Variants in GARNL3 observed in about 807,000 individuals in gnomAD.
The protein encoded by GARNL3 is GTPase activating Rap/RanGAP domain like 3.
A neutral mutation model predicts 125.0 loss-of-function variants in GARNL3; 63 were observed. That is an observed-to-expected ratio of 0.50 (90% CI 0.41 to 0.62). The LOEUF is 0.62. GARNL3 is among the 20% of genes least tolerant of loss of function. GARNL3 has a pLI of 0.00. For synonymous variants in GARNL3, 439 were observed against 457.5 expected (o/e 0.96, Z 0.52); for missense variants, 994 against 1,244.0 (o/e 0.80, Z 3.02).
chr9:127,319,005 C>T (rs1277976940), intron 5 of GARNL3, among the ~76,000 whole-genome samples: 14 of 152,170 alleles, frequency 9.2e-5, no homozygotes, highest in Admixed American at 2.0e-4. Flanking sequence ...AATGCCCTAT[C>T]GTATGAAGGG....
chr9:127,259,982 A>C (rs114319118), upstream of GARNL3, among the ~76,000 whole-genome samples: 3 of 152,190 alleles, frequency 2.0e-5, no homozygotes, highest in East Asian at 5.8e-4. Flanking sequence ...GCAGTGAGCT[A>C]TGATTACACC....
At position 127,243,347 on chromosome 9, in the gene GARNL3, G is replaced by A. The variant is rs2063237210; in HGVS notation, c.143+98G>A. The A allele has an allele frequency of 1.8e-5, 17 of 955,226 alleles. No homozygotes were observed. The South Asian group carries it at 2.4e-4, about 14-fold the overall frequency. 59.2% of individuals were successfully genotyped at this position (955,226 alleles called of 1,614,324 possible). On this transcript the variant is annotated intron_variant, in intron 2 of 10. Transcript: ENST00000439286. Reference sequence around the variant, plus strand: ...GGAAGAATATACTTTTTACTTCTGGGGGGATAGTGGGGAGGGAGAGAGGAG... The same window carrying A: ...GGAAGAATATACTTTTTACTTCTGGAGGGATAGTGGGGAGGGAGAGAGGAG...
intron 16 of GARNL3, among the ~76,000 whole-genome samples, chr9:127,346,898 A>C (rs533854232): frequency 1.3e-5 from 2 of 152,322 alleles, no homozygotes; most frequent in East Asian, 1.9e-4. Context: ...GCACTTAGAC[A>C]TGAAAGCCTG....
At chr9:127,305,001 T>A (rs775713609) in intron 2 of GARNL3, among the ~76,000 whole-genome samples, 5 of 152,178 alleles carry the variant, frequency 3.3e-5, no homozygotes, top group Non-Finnish European at 5.9e-5. Flanking sequence ...GCAGACCGAA[T>A]GACAAAGGAT....
At chr9:127,254,645 T>C (rs2063464620) in intron 2 of GARNL3, among the ~76,000 whole-genome samples, 1 of 152,028 alleles carries the variant, frequency 6.6e-6, no homozygotes, top group South Asian at 2.1e-4. Flanking sequence ...GGCACGTGCC[T>C]GTAATCCCAG....
At chr9:127,229,982 A>C (rs1370377070) in intron 1 of GARNL3, among the ~76,000 whole-genome samples, 2 of 152,260 alleles carry the variant, frequency 1.3e-5, no homozygotes, top group African/African-American at 4.8e-5. Flanking sequence ...GTAAAGGCGA[A>C]GGGAATAGCC....
At chr9:127,361,561 C>A (rs1409735203) in intron 21 of GARNL3, among the ~76,000 whole-genome samples, 1 of 152,212 alleles carries the variant, frequency 6.6e-6, no homozygotes, top group Non-Finnish European at 1.5e-5. Flanking sequence ...TAAAATAGAT[C>A]TCATTGTGCT....
chr9:127,273,105 T>C, intron 1 of GARNL3, among the ~76,000 whole-genome samples: 1 of 152,132 alleles, frequency 6.6e-6, no homozygotes, highest in East Asian at 1.9e-4. Flanking sequence ...CCATATGAGG[T>C]AGGCATTATT....
At chr9:127,342,419 T>G (rs1829910239) in intron 14 of GARNL3, 85 bp downstream of exon 14, 1 of 907,236 alleles carries the variant, frequency 1.1e-6, no homozygotes, top group Admixed American at 1.9e-5. Flanking sequence ...GAGGCCCTGG[T>G]GAGAAAAGCG....
chr9:127,274,406 A>C (rs1272488085), intron 1 of GARNL3, among the ~76,000 whole-genome samples: 6 of 152,208 alleles, frequency 3.9e-5, no homozygotes, highest in Non-Finnish European at 7.3e-5. Flanking sequence ...AGACAAAATC[A>C]ACCTTGGGAA....
Position 127,384,163 on chromosome 9 carries a change from C to G in GARNL3, c.2269+618C>G, listed in dbSNP as rs1354520736. ...TTGAGAGGAAGGCAGAGGGACCAAC[C>G]TAAGATCCTGGGAGGACCAGTTAGA... On this transcript the variant is annotated intron_variant, in intron 23 of 27. Coordinates refer to ENST00000373387, the MANE Select transcript of GARNL3 (RefSeq NM_032293.5). The surrounding 1 kb of genome is among the most constrained non-coding windows in gnomAD (Gnocchi z 4.0). 2.0e-5 allele frequency among the ~76,000 whole-genome samples: 3 copies of G among 152,190 alleles called. No homozygotes were observed. The highest frequency in any genetic ancestry group is 7.2e-5 in the African/African-American group (3 of 41,440).
At position 127,384,608 on chromosome 9, in the gene GARNL3, C is replaced by T. The variant is rs1303097021; in HGVS notation, c.2270-419C>T. ...AGGAGCGAGGAGCACTGAGGGACACCAGGGCTGGGCCTTGAAGAGCGACCA... is the reference window on the plus strand; with the variant it reads ...AGGAGCGAGGAGCACTGAGGGACACTAGGGCTGGGCCTTGAAGAGCGACCA... On this transcript the variant is annotated intron_variant, in intron 23 of 27. Coordinates refer to ENST00000373387, the MANE Select transcript of GARNL3 (RefSeq NM_032293.5). This position sits in a 1 kb window ranked among gnomAD's most constrained non-coding sequence, Gnocchi z 4.0. Among the ~76,000 whole-genome samples the T allele has an allele frequency of 2.6e-5, 4 of 152,156 alleles. No individual in the cohort carries two copies. Among genetic ancestry groups the T allele is most frequent in the African/African-American group, 9.7e-5 (4 of 41,442 alleles).
intron 13 of GARNL3, among the ~76,000 whole-genome samples, chr9:127,340,712 C>T (rs1424824722): frequency 1.3e-5 from 2 of 151,466 alleles, no homozygotes. Flanking sequence ...CCCAAAGCCT[C>T]ACTGAGTCCT....
chr9:127,308,310 A>G (rs2065009743), intron 2 of GARNL3, among the ~76,000 whole-genome samples: 1 of 152,160 alleles, frequency 6.6e-6, no homozygotes, highest in South Asian at 2.1e-4. Context: ...CAAACCCAAA[A>G]TGAGGAGGGA....
chr9:127,278,595 C>T (rs917505839), intron 1 of GARNL3, among the ~76,000 whole-genome samples: 1 of 152,334 alleles, frequency 6.6e-6, no homozygotes, highest in African/African-American at 2.4e-5. Context: ...TGAGTCATCA[C>T]CTTTTTCCTT....
chr9:127,309,159 A>G (rs2065030646), intron 2 of GARNL3, among the ~76,000 whole-genome samples: 1 of 152,220 alleles, frequency 6.6e-6, no homozygotes. Flanking sequence ...AGGACATAAA[A>G]AAGGACACAG....
At chr9:127,308,392 G>C (rs1197183044) in intron 2 of GARNL3, among the ~76,000 whole-genome samples, 1 of 152,268 alleles carries the variant, frequency 6.6e-6, no homozygotes, top group East Asian at 1.9e-4. Context: ...GGCCTACTTG[G>C]GGGTGGAAGG....
At chr9:127,381,851 C>T (rs894644395) in intron 22 of GARNL3, among the ~76,000 whole-genome samples, 3 of 152,048 alleles carry the variant, frequency 2.0e-5, no homozygotes, top group Admixed American at 6.6e-5. Flanking sequence ...GTGATCCTCC[C>T]GCCTGGGACT....
intron 6 of GARNL3, among the ~76,000 whole-genome samples, chr9:127,321,014 C>T (rs574126925): frequency 1.3e-5 from 2 of 152,314 alleles, no homozygotes; most frequent in African/African-American, 4.8e-5. Flanking sequence ...CGTAGCCACT[C>T]CTGAGAACCG....
Sources: allele counts gnomAD v4.1 joint callset (sites outside exome capture counted in the v4.1 genomes callset), GRCh38; gene constraint gnomAD v4.1.1; non-coding constraint Gnocchi (gnomAD v3.1); transcripts MANE v1.5; gene names NCBI Gene and HGNC (gene_info 2026-07-23, HGNC 2026-07-21).